Variants in C20orf203 observed in about 807,000 individuals in gnomAD.
C20orf203 encodes the protein uncharacterized protein C20orf203.
Under a neutral mutation model 15.9 loss-of-function variants are expected in C20orf203, and 16 were observed. The ratio of observed to expected loss-of-function variants is 1.01; its 90% CI spans 0.68 to 1.53. The LOEUF is 1.53. Among genes scored for constraint, C20orf203 ranks in the 40% most tolerant of loss-of-function variants. The probability of loss-of-function intolerance (pLI) is 0.00; values close to 1 mark genes in which losing one functional copy is unlikely to be tolerated. For missense variants in C20orf203, 263 were observed against 247.5 expected, an observed-to-expected ratio of 1.06 and a Z score of -0.42; for synonymous variants, 98 against 97.2, an observed-to-expected ratio of 1.01 and a Z score of -0.05.
intron 1 of C20orf203, among the ~76,000 whole-genome samples, chr20:32,653,022 C>T (rs1019009228): frequency 6.6e-6 from 1 of 152,164 alleles, no homozygotes; most frequent in Non-Finnish European, 1.5e-5. Context: ...GCCAGCAGCT[C>T]CTGGAAAATA....
intron 1 of C20orf203, among the ~76,000 whole-genome samples, chr20:32,663,731 C>T (rs577719155): frequency 3.9e-5 from 6 of 152,380 alleles, no homozygotes; most frequent in African/African-American, 1.4e-4. Flanking sequence ...ATCCCCTCCA[C>T]AGCCAGGATG....
intron 4 of C20orf203, among the ~76,000 whole-genome samples, chr20:32,647,326 C>T (rs1982463180): frequency 6.7e-6 from 1 of 148,892 alleles, no homozygotes; most frequent in African/African-American, 2.5e-5. Flanking sequence ...ACCTGGGAGG[C>T]GGAGGTTGCA....
Position 32,665,936 on chromosome 20 carries a change from AAAAC to A in C20orf203, c.-264+7692_-264+7695del, listed in dbSNP as rs201875905. Among the ~76,000 whole-genome samples, 217 of 152,066 alleles carry A rather than the reference AAAAC, an allele frequency of 1.4e-3. 4 individuals are homozygous for A. In the East Asian group the frequency reaches 0.037, roughly 26 times the overall value. ...GGGTGACAGAGTGAGACTCCTTCTCAAAACAAACAAACAAACAAAACCACTTTTT... is the reference window on the plus strand; with the variant it reads ...GGGTGACAGAGTGAGACTCCTTCTCAAAACAAACAAACAAAACCACTTTTT... On this transcript the variant is annotated intron_variant, in intron 1 of 5. Transcript: ENST00000608990.
At chr20:32,648,426 G>GTTTTTTTT (rs1982496446) in intron 4 of C20orf203, among the ~76,000 whole-genome samples, 1 of 113,376 alleles carries the variant, frequency 8.8e-6, no homozygotes, top group African/African-American at 3.4e-5. Flanking sequence ...GCCTGAAACT[G>GTTTTTTTT]TCTTTTTTTT....
intron 1 of C20orf203, among the ~76,000 whole-genome samples, chr20:32,654,095 A>G (rs1279994515): frequency 6.6e-6 from 1 of 151,350 alleles, no homozygotes; most frequent in Non-Finnish European, 1.5e-5. Context: ...AAAAAAAAAG[A>G]GAAAATCCTA....
rs1396322813 is a variant in C20orf203 at position 32,632,011 on chromosome 20, A to C, written c.*3559T>G. The stretch of plus-strand genomic sequence containing the variant: ...CCACCTCTGCCACCTCTGCTCCTTG[A>C]GGCAGGGCAGGACTTCAGAATTGGC... On this transcript the variant is annotated 3_prime_UTR_variant, in exon 6 of 6. Coordinates refer to ENST00000608990, the MANE Select transcript of C20orf203 (RefSeq NM_182584.4). The C allele has an allele frequency of 6.6e-6, 1 of 152,264 alleles. No homozygotes were observed. Among genetic ancestry groups the C allele is most frequent in the Non-Finnish European group, 1.5e-5 (1 of 68,074 alleles). 9.4% of individuals were successfully genotyped at this position (152,264 alleles called of 1,614,324 possible).
chr20:32,670,069 G>A (rs868705629), intron 1 of C20orf203, among the ~76,000 whole-genome samples: 17 of 152,210 alleles, frequency 1.1e-4, no homozygotes, highest in African/African-American at 4.1e-4. Flanking sequence ...GGGCATGGTG[G>A]CGTGTGCCTG....
At chr20:32,652,600 C>T (rs1982662907) in intron 1 of C20orf203, among the ~76,000 whole-genome samples, 1 of 151,956 alleles carries the variant, frequency 6.6e-6, no homozygotes, top group Non-Finnish European at 1.5e-5. Context: ...GTTCTGGGAT[C>T]TATCCTGGAG....
At chr20:32,658,316 A>C (rs1051541919) in intron 1 of C20orf203, among the ~76,000 whole-genome samples, 4 of 152,144 alleles carry the variant, frequency 2.6e-5, no homozygotes, top group African/African-American at 9.7e-5. Flanking sequence ...TACTCTTTTT[A>C]TTTTTGGAGA....
chr20:32,666,526 G>A (rs2082387931), intron 1 of C20orf203, among the ~76,000 whole-genome samples: 2 of 151,306 alleles, frequency 1.3e-5, no homozygotes, highest in Admixed American at 1.3e-4. Flanking sequence ...CACTTTGGGA[G>A]GCTGAGGCGG....
intron 1 of C20orf203, among the ~76,000 whole-genome samples, chr20:32,662,196 T>C (rs1218781383): frequency 1.3e-5 from 2 of 152,204 alleles, no homozygotes; most frequent in Non-Finnish European, 2.9e-5. Context: ...CCTGGTGGTA[T>C]GGGGGTTTAG....
chr20:32,668,824 A>G (rs1983096329), intron 1 of C20orf203, among the ~76,000 whole-genome samples: 1 of 151,996 alleles, frequency 6.6e-6, no homozygotes, highest in Non-Finnish European at 1.5e-5. Context: ...CTCTAAATAA[A>G]TAAATAAATG....
intron 1 of C20orf203, chr20:32,658,103 G>A (rs1370739352): frequency 6.6e-6 from 1 of 151,926 alleles, no homozygotes; most frequent in African/African-American, 2.4e-5. Context: ...TTGGGAGGCC[G>A]AGACGGGCGG....
intron 1 of C20orf203, among the ~76,000 whole-genome samples, chr20:32,670,480 C>T (rs577583005): frequency 1.3e-5 from 2 of 151,936 alleles, no homozygotes; most frequent in South Asian, 2.1e-4. Context: ...GCACTCCAGC[C>T]TGGGTGACAG....
chr20:32,671,833 C>A (rs1983173684), intron 1 of C20orf203, among the ~76,000 whole-genome samples: 1 of 101,136 alleles, frequency 9.9e-6, no homozygotes, highest in Non-Finnish European at 1.9e-5. Context: ...GAGTGAAACT[C>A]TGTCTCCAAA....
chr20:32,668,604 T>C (rs1568756723), intron 1 of C20orf203, among the ~76,000 whole-genome samples: 1 of 151,302 alleles, frequency 6.6e-6, no homozygotes, highest in Non-Finnish European at 1.5e-5. Context: ...CCAGCCTAGG[T>C]GACAGAGTGA....
In C20orf203 at chr20:32,650,648, C is replaced by T. The variant is rs1330051451; in HGVS notation, c.369G>A (p.Gly123=). ...GCCCAGCAGGGGCCCGCAGCCCCCT[C>T]CCCACTTCCCTATCTCTCCGACCCA... ...SKVGRRDREV[G]RGLRAPAGRG... The change falls in exon 4 of 6, where the codon GGG becomes GGA. Residue 123 remains glycine, a synonymous_variant. Transcript: ENST00000608990. 8 of 1,548,730 alleles carry T rather than the reference C, an allele frequency of 5.2e-6. No individual in the cohort carries two copies. The Admixed American group carries it at 1.6e-4, about 30-fold the overall frequency.
chr20:32,636,924 G>A (rs540997620), intron 5 of C20orf203, among the ~76,000 whole-genome samples: 3 of 152,276 alleles, frequency 2.0e-5, no homozygotes, highest in African/African-American at 4.8e-5. Flanking sequence ...GGTCACCCTG[G>A]CTTCTGTTGA....
At chr20:32,660,770 C>T (rs1982871623) in intron 1 of C20orf203, among the ~76,000 whole-genome samples, 1 of 152,184 alleles carries the variant, frequency 6.6e-6, no homozygotes, top group South Asian at 2.1e-4. Flanking sequence ...ACTCACAGTA[C>T]TGCATGACTG....
Sources: allele counts gnomAD v4.1 joint callset (sites outside exome capture counted in the v4.1 genomes callset), GRCh38; gene constraint gnomAD v4.1.1; transcripts MANE v1.5; gene names NCBI Gene and HGNC (gene_info 2026-07-23, HGNC 2026-07-21).